The following ANKRD11 variants were observed in gnomAD, a reference collection of about 807,000 sequenced individuals.
ANKRD11 encodes ankyrin repeat domain 11, also known as ankyrin repeat domain-containing protein 11.
In ANKRD11, 17 loss-of-function variants were observed where a neutral mutation model predicts 195.7. The observed-to-expected ratio is 0.09, with a 90% CI of 0.06 to 0.13. The LOEUF (loss-of-function observed/expected upper bound fraction) is 0.13, where lower values mean the gene tolerates loss of function less well. Ranked by LOEUF, ANKRD11 falls within the 10% of genes least tolerant of loss-of-function variation. The probability of loss-of-function intolerance (pLI) is 1.00; values close to 1 mark genes in which losing one functional copy is unlikely to be tolerated. For missense variants in ANKRD11, 3,735 were observed against 3,566.1 expected (o/e 1.05, Z -1.21); for synonymous variants, 1,953 against 1,528.1 (o/e 1.28, Z -6.49).
At chr16:89,478,546 C>T (rs146048714) in intron 1 of ANKRD11, among the ~76,000 whole-genome samples, 170 of 152,260 alleles carry the variant, frequency 1.1e-3, no homozygotes, top group African/African-American at 4.0e-3. Flanking sequence ...GCAACCTGGA[C>T]ATCCTGCTGA....
chr16:89,456,412 G>C (rs2056438621), intron 1 of ANKRD11, among the ~76,000 whole-genome samples: 2 of 151,938 alleles, frequency 1.3e-5, no homozygotes, highest in African/African-American at 4.8e-5. Context: ...GCCGAGCGTG[G>C]TGGCATGTGC....
At chr16:89,445,153 T>TA (rs1311325897) in intron 1 of ANKRD11, among the ~76,000 whole-genome samples, 2 of 152,258 alleles carry the variant, frequency 1.3e-5, no homozygotes, top group Admixed American at 1.3e-4. Flanking sequence ...AGGCAAATGT[T>TA]AACGGCTGAT....
At chr16:89,466,535 G>A (rs1027003074) in intron 1 of ANKRD11, among the ~76,000 whole-genome samples, 5 of 152,088 alleles carry the variant, frequency 3.3e-5, no homozygotes, top group Non-Finnish European at 5.9e-5. Context: ...ATCACCCAAC[G>A]GGGTAAAATT....
intron 6 of ANKRD11, chr16:89,289,076 C>G: frequency 3.3e-6 from 1 of 303,382 alleles, no homozygotes; most frequent in Admixed American, 4.8e-5. Context: ...CTGAGAGCCT[C>G]CTGAAGGCTG....
rs1161954164 is a variant in ANKRD11 at position 89,281,950 on chromosome 16, T to C, written c.4592A>G (p.Lys1531Arg). The C allele has an allele frequency of 6.2e-6, 10 of 1,612,966 alleles. No homozygotes were observed. Among genetic ancestry groups the C allele is most frequent in the Non-Finnish European group, 8.5e-6 (10 of 1,180,036 alleles). Residue 1531 changes from lysine (K) to arginine (R), a missense_variant, in exon 9 of 13, where the codon AAG (lysine) becomes AGG (arginine). By Grantham distance (26) the Lys-to-Arg change is conservative. Transcript: ENST00000301030. This position sits in a 1 kb window ranked among gnomAD's most constrained non-coding sequence, Gnocchi z 5.5. ...EGPRLGDAKL[K>R]EKFKDGAEKE... is the part of the protein sequence containing the mutation. Reference sequence around the variant, plus strand: ...CTCTGCACCGTCCTTGAATTTCTCCTTCAGTTTGGCATCGCCGAGCCTCGG... The same window carrying C: ...CTCTGCACCGTCCTTGAATTTCTCCCTCAGTTTGGCATCGCCGAGCCTCGG...
rs2034093646 is a variant in ANKRD11, at chr16:89,280,363, G to C, written c.6179C>G (p.Ser2060Cys). ...TSEAAPYAPP[S>C]GLESFFSNCK... is the part of the protein sequence containing the mutation. ...GTTGCTGAAGAAGGACTCCAGCCCGGAGGGAGGGGCGTAGGGAGCCGCCTC... is the reference window on the plus strand; with the variant it reads ...GTTGCTGAAGAAGGACTCCAGCCCGCAGGGAGGGGCGTAGGGAGCCGCCTC... The change falls in exon 9 of 13, where the codon TCC becomes TGC. Residue 2060 changes from serine to cysteine, a missense_variant. Coordinates refer to ENST00000301030, the MANE Select transcript of ANKRD11 (RefSeq NM_013275.6). The C allele has an allele frequency of 3.2e-6, 5 of 1,569,434 alleles. No homozygotes were observed. Among genetic ancestry groups the C allele is most frequent in the Admixed American group, 1.8e-5 (1 of 55,292 alleles).
chr16:89,340,706 A>G (rs2038616443), intron 2 of ANKRD11, among the ~76,000 whole-genome samples: 1 of 152,250 alleles, frequency 6.6e-6, no homozygotes, highest in Non-Finnish European at 1.5e-5. Context: ...ATTTAAATAA[A>G]AACTATAAAC....
chr16:89,441,745 C>CGA (rs1183956487), intron 1 of ANKRD11, among the ~76,000 whole-genome samples: 1 of 115,690 alleles, frequency 8.6e-6, no homozygotes, highest in Admixed American at 1.3e-4. Flanking sequence ...CCAGCCTGGG[C>CGA]AACAGAGCGA....
At chr16:89,319,182 G>A (rs1008693721) in intron 2 of ANKRD11, among the ~76,000 whole-genome samples, 5 of 152,204 alleles carry the variant, frequency 3.3e-5, no homozygotes, top group African/African-American at 1.2e-4. Context: ...TGTGGCCCAC[G>A]GACACACTCA....
intron 1 of ANKRD11, among the ~76,000 whole-genome samples, chr16:89,479,763 G>A (rs972290257): frequency 6.6e-6 from 1 of 151,982 alleles, no homozygotes; most frequent in East Asian, 1.9e-4. Flanking sequence ...CTAACACGGT[G>A]AGACCCCATC....
intron 2 of ANKRD11, chr16:89,403,529 G>A (rs528565041): frequency 2.6e-5 from 4 of 151,968 alleles, no homozygotes; most frequent in African/African-American, 4.8e-5. Flanking sequence ...GCTCAACTAC[G>A]ACTGGGCAAT....
At chr16:89,440,592 T>C (rs369227808) in intron 1 of ANKRD11, among the ~76,000 whole-genome samples, 1 of 151,958 alleles carries the variant, frequency 6.6e-6, no homozygotes, top group Non-Finnish European at 1.5e-5. Flanking sequence ...CCAACCTGGA[T>C]GACACGACAA....
chr16:89,442,381 C>G (rs1177172469), intron 1 of ANKRD11, among the ~76,000 whole-genome samples: 1 of 152,212 alleles, frequency 6.6e-6, no homozygotes, highest in Non-Finnish European at 1.5e-5. Flanking sequence ...GCTTTTGAAT[C>G]TGTCTCAGAA....
chr16:89,388,974 C>A (rs1567735534), intron 2 of ANKRD11, among the ~76,000 whole-genome samples: 1 of 152,238 alleles, frequency 6.6e-6, no homozygotes, highest in South Asian at 2.1e-4. Flanking sequence ...AATTATCCAG[C>A]ACATAATGAG....
intron 1 of ANKRD11, chr16:89,422,103 G>T (rs187853801): frequency 6.6e-6 from 1 of 152,128 alleles, no homozygotes; most frequent in Admixed American, 6.5e-5. Flanking sequence ...TATTTGCCAC[G>T]TTAGGGATAG....
intron 2 of ANKRD11, among the ~76,000 whole-genome samples, chr16:89,370,031 T>C (rs1173298129): frequency 6.6e-6 from 1 of 152,116 alleles, no homozygotes; most frequent in Non-Finnish European, 1.5e-5. Flanking sequence ...GCCAAGACCA[T>C]CCAGTAACGA....
In ANKRD11 at chr16:89,380,440, C is replaced by G. The variant is rs1363714008; in HGVS notation, c.-60+37844G>C. On this transcript the variant is annotated intron_variant, in intron 2 of 12. Coordinates refer to ENST00000301030, the MANE Select transcript of ANKRD11 (RefSeq NM_013275.6). ...TGATGCCATTTTAACTCCTTTTCTCCTAAGTGGATTAGAGCTCCCTGAGCC... is the reference window on the plus strand; with the variant it reads ...TGATGCCATTTTAACTCCTTTTCTCGTAAGTGGATTAGAGCTCCCTGAGCC... Among the ~76,000 whole-genome samples the G allele has an allele frequency of 2.6e-5, 4 of 152,100 alleles. No individual in the cohort carries two copies. The South Asian group carries it at 6.2e-4, about 24-fold the overall frequency.
chr16:89,283,256 A>G lies in ANKRD11; in HGVS notation c.3286T>C (p.Ser1096Pro). The G allele has an allele frequency of 6.2e-7, 1 of 1,613,986 alleles. No homozygotes were observed. The highest frequency in any genetic ancestry group is 1.7e-5 in the Admixed American group (1 of 60,016). ...KKEKAFPGII[S>P]EDFSEKKDDK... is the part of the protein sequence containing the mutation. ...TCTTTTTTTTCAGAGAAGTCTTCTG[A>G]GATGATCCCAGGGAAAGCCTTCTCC... Residue 1096 changes from serine (S) to proline (P), a missense_variant, in exon 9 of 13, where the codon TCA (serine) becomes CCA (proline). Transcript: ENST00000301030. This position sits in a 1 kb window ranked among gnomAD's most constrained non-coding sequence, Gnocchi z 4.3.
chr16:89,437,559 T>TC (rs2043268053), intron 1 of ANKRD11, among the ~76,000 whole-genome samples: 1 of 152,078 alleles, frequency 6.6e-6, no homozygotes, highest in Admixed American at 6.6e-5. Context: ...CCAGAGACAG[T>TC]CCTCCAGAGC....
Sources: gnomAD v4.1 joint callset for allele counts (sites outside exome capture counted in the v4.1 genomes callset) on GRCh38, gnomAD v4.1.1 for gene constraint, Gnocchi (gnomAD v3.1) non-coding constraint, MANE v1.5 for transcripts, NCBI Gene and HGNC (gene_info 2026-07-23, HGNC 2026-07-21) for gene names.